Variants in ADGRL3 observed in about 807,000 individuals in gnomAD.
The protein encoded by ADGRL3 is adhesion G protein-coupled receptor L3.
A neutral mutation model predicts 153.5 loss-of-function variants in ADGRL3; 62 were observed. That is an observed-to-expected ratio of 0.40 (90% confidence interval 0.33 to 0.50). ADGRL3 has a LOEUF of 0.50. Among genes scored for constraint, ADGRL3 ranks in the 20% least tolerant of loss-of-function variants. ADGRL3 has a pLI of 0.47. For synonymous variants in ADGRL3, 710 were observed against 672.5 expected, an observed-to-expected ratio of 1.06 and a Z score of -0.86; for missense variants, 1,641 against 1,859.4, an observed-to-expected ratio of 0.88 and a Z score of 2.16.
intron 13 of ADGRL3, among the ~76,000 whole-genome samples, chr4:61,924,674 CT>C (rs764700498): frequency 4.6e-5 from 7 of 152,150 alleles, no homozygotes; most frequent in Non-Finnish European, 1.0e-4. Context: ...CCATGCAAAC[CT>C]TCAAAAGTTC....
chr4:62,015,356 C>T (rs149965620), intron 21 of ADGRL3, among the ~76,000 whole-genome samples: 198 of 152,254 alleles, frequency 1.3e-3, no homozygotes, highest in African/African-American at 4.5e-3. Flanking sequence ...ACTCAAAAAC[C>T]CTCTTTGTTC....
chr4:61,465,374 G>A (rs1225683269), intron 2 of ADGRL3, among the ~76,000 whole-genome samples: 3 of 151,934 alleles, frequency 2.0e-5, no homozygotes, highest in Admixed American at 6.6e-5. Context: ...AAAATAGTTC[G>A]TATAGTTCTT....
chr4:61,947,188 G>T (rs958174037), intron 16 of ADGRL3, 66 bp downstream of exon 16: 4 of 1,234,712 alleles, frequency 3.2e-6, no homozygotes, highest in Non-Finnish European at 4.6e-6. Flanking sequence ...TGAACATTAA[G>T]TGTATTAATT....
At chr4:61,269,206 A>C (rs1239215273) in intron 1 of ADGRL3, among the ~76,000 whole-genome samples, 1 of 151,732 alleles carries the variant, frequency 6.6e-6, no homozygotes, top group African/African-American at 2.4e-5. Context: ...TAATTAGAAC[A>C]TCAAGGTAGA....
intron 6 of ADGRL3, 105 bp downstream of exon 6, chr4:61,677,040 A>G (rs2095217812): frequency 3.7e-6 from 3 of 804,190 alleles, no homozygotes; most frequent in African/African-American, 1.7e-5. Context: ...CGTAAATTAA[A>G]TGAAAAAATT....
At chr4:61,878,799 G>A (rs1327879825) in intron 9 of ADGRL3, among the ~76,000 whole-genome samples, 1 of 152,160 alleles carries the variant, frequency 6.6e-6, no homozygotes, top group African/African-American at 2.4e-5. Flanking sequence ...TTGGTCTGCA[G>A]AGTCTTACAT....
chr4:61,724,201 G>A (rs955372458), intron 6 of ADGRL3, among the ~76,000 whole-genome samples: 8 of 152,074 alleles, frequency 5.3e-5, no homozygotes, highest in Non-Finnish European at 1.0e-4. Context: ...TGTAACAAGG[G>A]TACGTCATTG....
chr4:61,909,419 TG>T, intron 11 of ADGRL3, 140 bp from the exon 12 acceptor site: 2 of 591,334 alleles, frequency 3.4e-6, no homozygotes, highest in Non-Finnish European at 5.8e-6. Context: ...AATTGGGGAG[TG>T]TATTCCAGAT....
At chr4:62,013,689 A>G (rs1184420180) in intron 21 of ADGRL3, among the ~76,000 whole-genome samples, 1 of 152,036 alleles carries the variant, frequency 6.6e-6, no homozygotes, top group East Asian at 1.9e-4. Context: ...AGAGGTCGAG[A>G]TCATTCTGGC....
chr4:61,939,700 C>T (rs1039340193), intron 15 of ADGRL3, among the ~76,000 whole-genome samples: 1 of 151,982 alleles, frequency 6.6e-6, no homozygotes, highest in East Asian at 1.9e-4. Context: ...GAATTCCTGA[C>T]TTCGTGATCT....
chr4:61,871,463 C>CTA (rs1355702987), intron 9 of ADGRL3, among the ~76,000 whole-genome samples: 1 of 152,100 alleles, frequency 6.6e-6, no homozygotes, highest in East Asian at 1.9e-4. Flanking sequence ...CTGATTCAAG[C>CTA]TATAACAAGG....
At chr4:61,867,594 C>A (rs112162660) in intron 9 of ADGRL3, among the ~76,000 whole-genome samples, 1 of 143,748 alleles carries the variant, frequency 7.0e-6, no homozygotes, top group African/African-American at 2.5e-5. Flanking sequence ...ACTGAGATCC[C>A]TATAACAAAA....
chr4:61,245,292 A>G (rs764876411), intron 1 of ADGRL3, among the ~76,000 whole-genome samples: 13 of 152,028 alleles, frequency 8.6e-5, no homozygotes, highest in Non-Finnish European at 1.5e-4. Context: ...TCTCCCAGGC[A>G]GCTCCCTTTC....
chr4:61,639,152 A>G (rs965696372), intron 5 of ADGRL3, among the ~76,000 whole-genome samples: 7 of 152,172 alleles, frequency 4.6e-5, no homozygotes, highest in Non-Finnish European at 8.8e-5. Context: ...TGACAATTCA[A>G]AGTGCCTTTG....
chr4:61,722,829 T>G (rs1056441038), intron 6 of ADGRL3, among the ~76,000 whole-genome samples: 3 of 151,420 alleles, frequency 2.0e-5, no homozygotes, highest in African/African-American at 7.3e-5. Context: ...TTTTTCTTAT[T>G]TATAAAATAT....
chr4:61,305,490 G>A (rs1456276421), intron 1 of ADGRL3, among the ~76,000 whole-genome samples: 2 of 152,168 alleles, frequency 1.3e-5, no homozygotes, highest in Non-Finnish European at 2.9e-5. Context: ...GGAAACACTG[G>A]AGTTGGAGGG....
At chr4:61,821,565 G>GT (rs934282244) in intron 9 of ADGRL3, among the ~76,000 whole-genome samples, 12 of 151,796 alleles carry the variant, frequency 7.9e-5, no homozygotes, top group African/African-American at 2.7e-4. Flanking sequence ...ATTTTGTTGG[G>GT]TTTTTTTATA....
At chr4:61,651,547 A>G (rs1399487786) in intron 5 of ADGRL3, among the ~76,000 whole-genome samples, 1 of 152,074 alleles carries the variant, frequency 6.6e-6, no homozygotes, top group East Asian at 1.9e-4. Flanking sequence ...GGCTTAAAAT[A>G]TCATTGAGTA....
intron 18 of ADGRL3, among the ~76,000 whole-genome samples, chr4:61,982,454 C>T (rs1210660036): frequency 6.6e-6 from 1 of 152,134 alleles, no homozygotes; most frequent in Non-Finnish European, 1.5e-5. Flanking sequence ...CCTTTTGTCT[C>T]ATTTCATAAG....
Sources: gnomAD v4.1 joint callset for allele counts (sites outside exome capture counted in the v4.1 genomes callset) on GRCh38, gnomAD v4.1.1 for gene constraint, MANE v1.5 for transcripts, NCBI Gene and HGNC (gene_info 2026-07-23, HGNC 2026-07-21) for gene names.